OSBPL3: variants seen among roughly 807,000 people sequenced by gnomAD.
OSBPL3 encodes the protein oxysterol binding protein like 3, also known as oxysterol-binding protein-related protein 3.
OSBPL3 carries 65 observed loss-of-function variants against 120.1 expected under a neutral mutation model. That is an observed-to-expected ratio of 0.54 (90% CI 0.44 to 0.67). The LOEUF (loss-of-function observed/expected upper bound fraction) is 0.67, where lower values mean the gene tolerates loss of function less well. Among genes scored for constraint, OSBPL3 ranks in the 30% least tolerant of loss-of-function variants. OSBPL3 has a pLI of 0.00. For missense variants in OSBPL3, 1,004 were observed against 1,082.1 expected (o/e 0.93, Z 1.01); for synonymous variants, 416 against 402.6 (o/e 1.03, Z -0.40).
chr7:24,884,211 T>C (rs960798743), intron 2 of OSBPL3, among the ~76,000 whole-genome samples: 1 of 152,188 alleles, frequency 6.6e-6, no homozygotes, highest in African/African-American at 2.4e-5. Context: ...AACAACCATT[T>C]GTACATAAGG....
rs775640317 is a variant in OSBPL3 at position 24,804,472 on chromosome 7, G to T, written c.2445-35C>A. On this transcript the variant is annotated intron_variant, in intron 21 of 22. Coordinates refer to ENST00000313367, the MANE Select transcript of OSBPL3 (RefSeq NM_015550.4). This position sits in a 1 kb window ranked among gnomAD's most constrained non-coding sequence, Gnocchi z 5.4. ...CGAGGAAAAAAAAATGAAAGGATAT[G>T]AATTCAAGAAAACAAAACAATCATT... 6.3e-7 allele frequency: 1 copy of T among 1,598,122 alleles called. No individual in the cohort carries two copies. Among genetic ancestry groups the T allele is most frequent in the South Asian group, 1.1e-5 (1 of 89,610 alleles).
At chr7:24,921,666 G>C (rs28682917) in intron 1 of OSBPL3, among the ~76,000 whole-genome samples, 19,059 of 151,980 alleles carry the variant, frequency 0.13, 1,387 homozygotes, top group East Asian at 0.28. Flanking sequence ...TACAGGGCGT[G>C]GTCCACATTG....
chr7:24,823,678 A>G (rs1287622657), intron 16 of OSBPL3, among the ~76,000 whole-genome samples: 3 of 152,218 alleles, frequency 2.0e-5, no homozygotes, highest in Non-Finnish European at 2.9e-5. Flanking sequence ...ATGAGGTGTG[A>G]GGATCCCTCT....
rs193259426 is a variant in OSBPL3 at position 24,829,006 on chromosome 7, C to A, written c.1884+1762G>T. Reference sequence around the variant, plus strand: ...TGCCCAGGAGCTCTGATTTCTCCCCCACTGTGCCACCATGGGAAATACACA... The same window carrying A: ...TGCCCAGGAGCTCTGATTTCTCCCCAACTGTGCCACCATGGGAAATACACA... On this transcript the variant is annotated intron_variant, in intron 16 of 22. Transcript: ENST00000313367. Among the ~76,000 whole-genome samples the A allele has an allele frequency of 2.2e-4, 33 of 152,286 alleles. 1 individual carries two copies. In the East Asian group the frequency reaches 6.0e-3, roughly 28 times the overall value.
chr7:24,815,594 C>T lies in OSBPL3; in HGVS notation c.2028-391G>A, dbSNP rs1366558726. Among the ~76,000 whole-genome samples the T allele has an allele frequency of 2.6e-5, 4 of 152,190 alleles. No individual in the cohort carries two copies. The highest frequency in any genetic ancestry group is 4.8e-5 in the African/African-American group (2 of 41,442). On this transcript the variant is annotated intron_variant, in intron 18 of 22. Transcript: ENST00000313367. The surrounding 1 kb of genome is among the most constrained non-coding windows in gnomAD (Gnocchi z 5.1). ...TGAAGGTTTTATACAATCTGCTAAA[C>T]ATACATTGCCTGCATCCTTTGTGAT...
rs374523521 is a variant in OSBPL3, at chr7:24,896,212, G to T, written c.-149-3591C>A. 6.6e-6 allele frequency among the ~76,000 whole-genome samples: 1 copy of T among 152,224 alleles called. No individual in the cohort carries two copies. Among genetic ancestry groups the T allele is most frequent in the African/African-American group, 2.4e-5 (1 of 41,460 alleles). ...CAAACCACCTGGTGGTGAGGTTGAG[G>T]AGGAGAGAACTTATGGCCCTTTCCT... On this transcript the variant is annotated intron_variant, in intron 1 of 22. Coordinates refer to ENST00000313367, the MANE Select transcript of OSBPL3 (RefSeq NM_015550.4). The surrounding 1 kb of genome is among the most constrained non-coding windows in gnomAD (Gnocchi z 4.4).
chr7:24,920,314 TTAAA>T (rs1301861931), intron 1 of OSBPL3, among the ~76,000 whole-genome samples: 14 of 152,250 alleles, frequency 9.2e-5, no homozygotes, highest in African/African-American at 3.4e-4. Flanking sequence ...TAAAAAGGAA[TTAAA>T]TAGTGAGTCA....
chr7:24,851,262 A>AT lies in OSBPL3; in HGVS notation c.1158+1241dup. On this transcript the variant is annotated intron_variant, in intron 11 of 22. Coordinates refer to ENST00000313367, the MANE Select transcript of OSBPL3 (RefSeq NM_015550.4). This position sits in a 1 kb window ranked among gnomAD's most constrained non-coding sequence, Gnocchi z 4.1. ...CACCAGTGTATGGCTGTCTTGTACA[A>AT]TAAAAAGGGGGCGATTCTATCTGTG... Among the ~76,000 whole-genome samples the AT allele has an allele frequency of 6.6e-6, 1 of 152,362 alleles. No individual in the cohort carries two copies. Among genetic ancestry groups the AT allele is most frequent in the African/African-American group, 2.4e-5 (1 of 41,596 alleles).
intron 2 of OSBPL3, among the ~76,000 whole-genome samples, chr7:24,880,004 G>A (rs1488753177): frequency 6.6e-6 from 1 of 152,052 alleles, no homozygotes; most frequent in Non-Finnish European, 1.5e-5. Flanking sequence ...CGGTAAGCAG[G>A]GTCTCTTAGA....
chr7:24,892,959 G>A (rs898922199), intron 1 of OSBPL3, among the ~76,000 whole-genome samples: 1 of 152,168 alleles, frequency 6.6e-6, no homozygotes, highest in Non-Finnish European at 1.5e-5. Flanking sequence ...TTTTTAATGG[G>A]AAATAACTAG....
intron 1 of OSBPL3, among the ~76,000 whole-genome samples, chr7:24,920,085 A>G (rs1441412781): frequency 6.6e-6 from 1 of 152,156 alleles, no homozygotes; most frequent in Non-Finnish European, 1.5e-5. Flanking sequence ...ACCTTCTAGC[A>G]GTTCCTGAAA....
Position 24,863,097 on chromosome 7 carries a change from T to G in OSBPL3, c.870+103A>C. ...CACTGGAAAGAACAACTACAGAATA[T>G]TCACTCATCTATTCTCCTAGCTGAG... On this transcript the variant is annotated intron_variant, in intron 9 of 22. Coordinates refer to ENST00000313367, the MANE Select transcript of OSBPL3 (RefSeq NM_015550.4). The surrounding 1 kb of genome is among the most constrained non-coding windows in gnomAD (Gnocchi z 5.8). 1 of 782,600 alleles carries G rather than the reference T, an allele frequency of 1.3e-6. No homozygotes were observed. Among genetic ancestry groups the G allele is most frequent in the Non-Finnish European group, 2.3e-6 (1 of 438,772 alleles). The allele number at this position is 782,600 out of a possible 1,614,324, so 48.5% of individuals were successfully genotyped here.
rs1299257357 is a variant in OSBPL3 at position 24,797,613 on chromosome 7, A to T, written c.*2570T>A. ...GCTCATTTCTGAATGGATTTCCTGC[A>T]GCGTGGGGTAGTCGACAGCTGTGAC... On this transcript the variant is annotated 3_prime_UTR_variant, in exon 23 of 23. Transcript: ENST00000313367. This position sits in a 1 kb window ranked among gnomAD's most constrained non-coding sequence, Gnocchi z 4.8. 1 of 152,094 alleles carries T rather than the reference A, an allele frequency of 6.6e-6. No individual in the cohort carries two copies. Among genetic ancestry groups the T allele is most frequent in the African/African-American group, 2.4e-5 (1 of 41,398 alleles). The allele number at this position is 152,094 out of a possible 1,614,324, so 9.4% of individuals were successfully genotyped here. A position where few individuals can be genotyped will look rare whatever the true frequency, so the allele number is the denominator to read the frequency against.
In OSBPL3 at chr7:24,800,209, T is replaced by C. The variant is rs749073750; in HGVS notation, c.2638A>G (p.Lys880Glu). 1 of 1,607,602 alleles carries C rather than the reference T, an allele frequency of 6.2e-7. No homozygotes were observed. The highest frequency in any genetic ancestry group is 8.5e-7 in the Non-Finnish European group (1 of 1,174,102). ...LELRKDLGFSKLDHPVLW is the reference protein window; with the variant it reads ...LELRKDLGFSELDHPVLW ...CACCATAAGACAGGATGGTCCAGTTTGGAAAAACCAAGATCTTTTCTAAGT... is the reference window on the plus strand; with the variant it reads ...CACCATAAGACAGGATGGTCCAGTTCGGAAAAACCAAGATCTTTTCTAAGT... Residue 880 changes from lysine (K) to glutamate (E), a missense_variant, in exon 23 of 23, where the codon AAA becomes GAA. Transcript: ENST00000313367.
rs1334009253 is a variant in OSBPL3 at position 24,955,839 on chromosome 7, A to C, written c.-150+24047T>G. Among the ~76,000 whole-genome samples, 3 of 152,230 alleles carry C rather than the reference A, an allele frequency of 2.0e-5. No individual in the cohort carries two copies. The highest frequency in any genetic ancestry group is 4.4e-5 in the Non-Finnish European group (3 of 68,040). On this transcript the variant is annotated intron_variant, in intron 1 of 22. Transcript: ENST00000313367. This position sits in a 1 kb window ranked among gnomAD's most constrained non-coding sequence, Gnocchi z 4.3. ...CATTCAATAAATATCTACAGAATGAATGTTTTTTAAAAACATACAATCATT... is the reference window on the plus strand; with the variant it reads ...CATTCAATAAATATCTACAGAATGACTGTTTTTTAAAAACATACAATCATT...
Position 24,815,986 on chromosome 7 carries a change from G to T in OSBPL3, c.2027+624C>A, listed in dbSNP as rs1356754795. Among the ~76,000 whole-genome samples the T allele has an allele frequency of 1.3e-5, 2 of 152,154 alleles. No individual in the cohort carries two copies. The highest frequency in any genetic ancestry group is 4.8e-5 in the African/African-American group (2 of 41,444). ...GATCAAGGCCATACTTTTCTTAAAAGGGATTTTGATAGCAAAGCAGCATAA... is the reference window on the plus strand; with the variant it reads ...GATCAAGGCCATACTTTTCTTAAAATGGATTTTGATAGCAAAGCAGCATAA... On this transcript the variant is annotated intron_variant, in intron 18 of 22. Coordinates refer to ENST00000313367, the MANE Select transcript of OSBPL3 (RefSeq NM_015550.4). The surrounding 1 kb of genome is among the most constrained non-coding windows in gnomAD (Gnocchi z 5.1).
At position 24,898,354 on chromosome 7, in the gene OSBPL3, G is replaced by A. The variant is rs1026382724; in HGVS notation, c.-149-5733C>T. ...CCCATACCTGACTGTTTCTGGGAGA[G>A]GAGTACTAAGTTTCTGGGAGATGAG... On this transcript the variant is annotated intron_variant, in intron 1 of 22. Coordinates refer to ENST00000313367, the MANE Select transcript of OSBPL3 (RefSeq NM_015550.4). This position sits in a 1 kb window ranked among gnomAD's most constrained non-coding sequence, Gnocchi z 4.3. 6.6e-6 allele frequency among the ~76,000 whole-genome samples: 1 copy of A among 152,206 alleles called. No homozygotes were observed. The highest frequency in any genetic ancestry group is 6.5e-5 in the Admixed American group (1 of 15,278).
chr7:24,829,524 A>G (rs1012676059), intron 16 of OSBPL3, among the ~76,000 whole-genome samples: 2 of 152,136 alleles, frequency 1.3e-5, no homozygotes, highest in Admixed American at 6.5e-5. Flanking sequence ...CCTGTAGTGC[A>G]AATCCATTGA....
At position 24,840,702 on chromosome 7, in the gene OSBPL3, T is replaced by C. The variant is rs1797633474; in HGVS notation, c.1483A>G (p.Arg495Gly). 7.2e-7 allele frequency: 1 copy of C among 1,389,962 alleles called. No individual in the cohort carries two copies. Among genetic ancestry groups the C allele is most frequent in the Non-Finnish European group, 1.0e-6 (1 of 1,004,480 alleles). The allele number at this position is 1,389,962 out of a possible 1,614,324, so 86.1% of individuals were successfully genotyped here. ...DNLSNDLDNE[R>G]QTLGPVLDSG... The stretch of plus-strand genomic sequence containing the variant: ...ATGTAAATCTTACCCAAGGTCTGTC[T>C]CTCATTATCTAAATCATTACTGAGA... The change falls in exon 14 of 23, where the codon AGA (arginine) becomes GGA (glycine). Residue 495 changes from arginine to glycine, a missense_variant. Coordinates refer to ENST00000313367, the MANE Select transcript of OSBPL3 (RefSeq NM_015550.4).
Sources: gnomAD v4.1 joint callset for allele counts (sites outside exome capture counted in the v4.1 genomes callset) on GRCh38, gnomAD v4.1.1 for gene constraint, Gnocchi (gnomAD v3.1) non-coding constraint, MANE v1.5 for transcripts, NCBI Gene and HGNC (gene_info 2026-07-23, HGNC 2026-07-21) for gene names.